Variants in SPCS2 observed in about 807,000 individuals in gnomAD.
SPCS2 encodes SPase 25 kDa subunit.
SPCS2 carries 3 observed loss-of-function variants against 22.3 expected under a neutral mutation model. The observed-to-expected ratio is 0.13, with a 90% CI of 0.06 to 0.35. The LOEUF (loss-of-function observed/expected upper bound fraction) is 0.35. Ranked by LOEUF, SPCS2 falls within the 10% of genes least tolerant of loss-of-function variation. The probability of loss-of-function intolerance (pLI) is 1.00; values close to 1 mark genes in which losing one functional copy is unlikely to be tolerated. For synonymous variants in SPCS2, 67 were observed against 97.2 expected (o/e 0.69, Z 1.83); for missense variants, 169 against 280.9 (o/e 0.60, Z 2.85).
chr11:74,968,488 A>AT lies in SPCS2; in HGVS notation c.360-1068dup, dbSNP rs201991991. Among the ~76,000 whole-genome samples, 166 of 138,916 alleles carry AT rather than the reference A, an allele frequency of 1.2e-3. 1 individual carries two copies. Among genetic ancestry groups the AT allele is most frequent in the Non-Finnish European group, 1.8e-3 (112 of 63,762 alleles). The allele number at this position is 138,916 out of a possible 152,430, so 91.1% of individuals were successfully genotyped here. A position where few individuals can be genotyped will look rare whatever the true frequency, so the allele number is the denominator to read the frequency against. ...GGGCCTGCACCACTACATCCAGCTA[A>AT]TTTTTTTTTGGTTTTTGTGGGTTTT... is the stretch of plus-strand genomic sequence containing the variant. On this transcript the variant is annotated intron_variant, in intron 3 of 4. Coordinates refer to ENST00000263672, the MANE Select transcript of SPCS2 (RefSeq NM_014752.3).
At chr11:74,973,233 G>T (rs1948596985) in intron 4 of SPCS2, among the ~76,000 whole-genome samples, 1 of 152,100 alleles carries the variant, frequency 6.6e-6, no homozygotes, top group African/African-American at 2.4e-5. Flanking sequence ...CCCTTTGAAT[G>T]CATGTCATCA....
At chr11:74,975,269 A>G (rs1432776234) in intron 4 of SPCS2, among the ~76,000 whole-genome samples, 1 of 152,100 alleles carries the variant, frequency 6.6e-6, no homozygotes, top group Non-Finnish European at 1.5e-5. Context: ...CTTTTTCCAG[A>G]TAGCTTATTC....
chr11:74,949,651 T>TA (rs927339039), intron 1 of SPCS2: 2 of 538,592 alleles, frequency 3.7e-6, no homozygotes, highest in Non-Finnish European at 7.1e-6. Context: ...CCTTTTTCGG[T>TA]AATTTGATTT....
At chr11:74,950,064 A>T (rs538130851) in intron 1 of SPCS2, among the ~76,000 whole-genome samples, 71 of 152,168 alleles carry the variant, frequency 4.7e-4, no homozygotes, top group Non-Finnish European at 8.5e-4. Flanking sequence ...ATCCAAAAAA[A>T]TTTTTTTTAA....
intron 1 of SPCS2, chr11:74,949,775 C>G (rs1328828899): frequency 2.5e-6 from 1 of 405,034 alleles, no homozygotes; most frequent in Admixed American, 2.8e-5. Flanking sequence ...GAATCAGTAT[C>G]CCCCAAACTC....
chr11:74,969,727 TCCTGGTGTTGGATTTGC>T (rs1249984921), intron 4 of SPCS2, 28 bp downstream of exon 4: 12 of 1,613,342 alleles, frequency 7.4e-6, no homozygotes, highest in Non-Finnish European at 1.0e-5. Flanking sequence ...GATTTTTAAA[TCCTGGTGTTGGATTTGC>T]CCTGGCATGT....
chr11:74,959,639 G>A (rs976240704), intron 1 of SPCS2, among the ~76,000 whole-genome samples: 3 of 152,170 alleles, frequency 2.0e-5, no homozygotes, highest in Admixed American at 6.5e-5. Flanking sequence ...CTGAACTCAA[G>A]CGATCCTTCC....
chr11:74,977,738 A>C lies in SPCS2; in HGVS notation c.*695A>C, dbSNP rs1948623588. On this transcript the variant is annotated 3_prime_UTR_variant, in exon 5 of 5. Transcript: ENST00000263672. ...CAATAAAAGGAAGGAAGATGTGAAA[A>C]AAATGGAGTCATAGTTTTGATGGAG... 1 of 152,650 alleles carries C rather than the reference A, an allele frequency of 6.6e-6. No homozygotes were observed. The highest frequency in any genetic ancestry group is 2.1e-4 in the South Asian group (1 of 4,836). 9.5% of individuals were successfully genotyped at this position (152,650 alleles called of 1,614,324 possible). A position where few individuals can be genotyped will look rare whatever the true frequency, so the allele number is the denominator to read the frequency against.
At chr11:74,966,159 A>G (rs1948544200) in intron 3 of SPCS2, among the ~76,000 whole-genome samples, 1 of 152,198 alleles carries the variant, frequency 6.6e-6, no homozygotes, top group African/African-American at 2.4e-5. Flanking sequence ...TTATTAATGT[A>G]GAGGTTATTG....
intron 1 of SPCS2, among the ~76,000 whole-genome samples, chr11:74,964,355 G>T (rs189941926): frequency 6.6e-6 from 1 of 152,348 alleles, no homozygotes; most frequent in Admixed American, 6.5e-5. Context: ...AACCTCTATA[G>T]ATAAGGGAAA....
chr11:74,959,382 T>A (rs1171939867), intron 1 of SPCS2, among the ~76,000 whole-genome samples: 1 of 152,208 alleles, frequency 6.6e-6, no homozygotes, highest in Non-Finnish European at 1.5e-5. Flanking sequence ...CATATCCTAA[T>A]GACCAAGGAT....
chr11:74,976,470 TGCC>T (rs1948614455), intron 4 of SPCS2, among the ~76,000 whole-genome samples: 1 of 152,202 alleles, frequency 6.6e-6, no homozygotes, highest in African/African-American at 2.4e-5. Flanking sequence ...GAAAAGTTTA[TGCC>T]CAAGTATAGT....
intron 1 of SPCS2, among the ~76,000 whole-genome samples, chr11:74,953,849 A>G (rs1301232213): frequency 6.6e-6 from 1 of 152,184 alleles, no homozygotes; most frequent in East Asian, 1.9e-4. Context: ...TTTGGCTATT[A>G]AAGTTGATAT....
At chr11:74,953,054 T>C (rs1322209146) in intron 1 of SPCS2, among the ~76,000 whole-genome samples, 1 of 152,142 alleles carries the variant, frequency 6.6e-6, no homozygotes. Context: ...GCCACCTCAG[T>C]CTTCAGAAAC....
intron 1 of SPCS2, 82 bp downstream of exon 1, chr11:74,949,481 T>C: frequency 7.9e-7 from 1 of 1,261,376 alleles, no homozygotes; most frequent in Non-Finnish European, 1.1e-6. Flanking sequence ...CCGGTCTCCC[T>C]TATTTTCTAC....
intron 4 of SPCS2, among the ~76,000 whole-genome samples, chr11:74,976,089 A>G (rs975024701): frequency 6.6e-6 from 1 of 152,216 alleles, no homozygotes. Flanking sequence ...TTGATTACAG[A>G]GTGCAAGGAC....
chr11:74,965,969 T>A (rs759760098), intron 3 of SPCS2, 46 bp downstream of exon 3: 10 of 1,538,366 alleles, frequency 6.5e-6, no homozygotes, highest in Admixed American at 2.1e-5. Context: ...ACTATTTTTT[T>A]AAATCTGCTG....
chr11:74,955,851 A>AATATACATATATATATAT (rs1555115679), intron 1 of SPCS2, among the ~76,000 whole-genome samples: 22 of 55,600 alleles, frequency 4.0e-4, no homozygotes, highest in African/African-American at 9.2e-4. Context: ...TACTAATTAA[A>AATATACATATATATATAT]ATATATATAT....
At chr11:74,961,931 T>C (rs1030304612) in intron 1 of SPCS2, among the ~76,000 whole-genome samples, 2 of 152,186 alleles carry the variant, frequency 1.3e-5, no homozygotes, top group Admixed American at 1.3e-4. Context: ...AAAATAAGTT[T>C]ATATCACTGA....
Sources: gnomAD v4.1 joint callset for allele counts (sites outside exome capture counted in the v4.1 genomes callset) on GRCh38, gnomAD v4.1.1 for gene constraint, MANE v1.5 for transcripts, NCBI Gene and HGNC (gene_info 2026-07-23, HGNC 2026-07-21) for gene names.